FLACC1: variants seen among roughly 807,000 people sequenced by gnomAD.
The protein encoded by FLACC1 is flagellum-associated coiled-coil domain-containing protein 1.
A neutral mutation model predicts 62.8 loss-of-function variants in FLACC1; 66 were observed. That is an observed-to-expected ratio of 1.05 (90% CI 0.86 to 1.29). The LOEUF (loss-of-function observed/expected upper bound fraction) is 1.29. Ranked by LOEUF, FLACC1 falls within the 50% of genes most tolerant of loss-of-function variation. The pLI is 0.00. For missense variants in FLACC1, 452 were observed against 489.1 expected, an observed-to-expected ratio of 0.92 and a Z score of 0.71; for synonymous variants, 156 against 161.0, an observed-to-expected ratio of 0.97 and a Z score of 0.24.
rs527401525 is a variant in FLACC1, at chr2:201,346,773, G to A, written c.235-98C>T. The A allele has an allele frequency of 1.2e-4, 175 of 1,488,676 alleles. No homozygotes were observed. The highest frequency in any genetic ancestry group is 1.7e-4 in the Middle Eastern group (1 of 5,748). 92.2% of individuals were successfully genotyped at this position (1,488,676 alleles called of 1,614,324 possible). A position where few individuals can be genotyped will look rare whatever the true frequency, so the allele number is the denominator to read the frequency against. ...GCCTCACTCACATCTTAAAAACAGG[G>A]ACCTGGGACTCCACAGCCCAAGCCC... On this transcript the variant is annotated intron_variant, in intron 4 of 14. Transcript: ENST00000392257. This position sits in a 1 kb window ranked among gnomAD's most constrained non-coding sequence, Gnocchi z 4.0.
chr2:201,317,559 C>T (rs1335390785), intron 9 of FLACC1, among the ~76,000 whole-genome samples: 1 of 152,074 alleles, frequency 6.6e-6, no homozygotes, highest in Non-Finnish European at 1.5e-5. Context: ...ATGACACAAA[C>T]AAATGGAAAC....
chr2:201,315,990 A>C (rs1197439020), intron 9 of FLACC1, among the ~76,000 whole-genome samples: 1 of 152,142 alleles, frequency 6.6e-6, no homozygotes, highest in African/African-American at 2.4e-5. Context: ...AATTTAAAAA[A>C]ATTCTTCAAA....
chr2:201,333,659 G>GT (rs1481793628), intron 7 of FLACC1, among the ~76,000 whole-genome samples: 2 of 150,182 alleles, frequency 1.3e-5, no homozygotes, highest in Non-Finnish European at 2.9e-5. Context: ...GCAGTGTTTG[G>GT]TTTTTTGTCC....
chr2:201,357,825 G>C (rs907579202), upstream of FLACC1, among the ~76,000 whole-genome samples: 1 of 151,768 alleles, frequency 6.6e-6, no homozygotes, highest in Admixed American at 6.6e-5. Flanking sequence ...AAATAAAGCT[G>C]CTTTTTCTTA....
In FLACC1 at chr2:201,342,327, T is replaced by C. The variant is rs1268205228; in HGVS notation, c.524+43A>G. On this transcript the variant is annotated intron_variant, in intron 7 of 14. Transcript: ENST00000392257. ...AATCCTGCAAAGGATGCGGGACCCT[T>C]AGAGCCATCAACACACACAAGGGTC... is the stretch of plus-strand genomic sequence containing the variant. 2.5e-6 allele frequency: 4 copies of C among 1,606,180 alleles called. No homozygotes were observed. In the African/African-American group the frequency reaches 5.4e-5, roughly 21 times the overall value.
intron 7 of FLACC1, among the ~76,000 whole-genome samples, chr2:201,335,853 C>T (rs1482161340): frequency 3.9e-5 from 6 of 151,970 alleles, no homozygotes; most frequent in African/African-American, 7.2e-5. Flanking sequence ...TTTCTTTTAC[C>T]GATGCTCCAT....
intron 9 of FLACC1, among the ~76,000 whole-genome samples, chr2:201,318,336 C>T (rs1950340749): frequency 6.6e-6 from 1 of 152,178 alleles, no homozygotes; most frequent in Non-Finnish European, 1.5e-5. Context: ...AAAATCTTCA[C>T]AATCTATACA....
intron 6 of FLACC1, among the ~76,000 whole-genome samples, chr2:201,343,869 A>C (rs1257856406): frequency 6.6e-6 from 1 of 152,264 alleles, no homozygotes; most frequent in Non-Finnish European, 1.5e-5. Flanking sequence ...GGCCAGACAG[A>C]AAACAACAAG....
chr2:201,328,721 G>A (rs752803582), intron 9 of FLACC1, among the ~76,000 whole-genome samples: 3 of 152,118 alleles, frequency 2.0e-5, no homozygotes, highest in African/African-American at 7.2e-5. Context: ...CCACAGCACC[G>A]GCCTATGGTC....
At chr2:201,312,136 A>T (rs184926410) in intron 9 of FLACC1, among the ~76,000 whole-genome samples, 25 of 152,248 alleles carry the variant, frequency 1.6e-4, no homozygotes, top group African/African-American at 5.8e-4. Flanking sequence ...GAAGAAGTCA[A>T]ATTTTTCTGT....
intron 2 of FLACC1, 66 bp from the exon 3 acceptor site, chr2:201,350,848 C>A: frequency 1.4e-6 from 2 of 1,409,004 alleles, no homozygotes; most frequent in Non-Finnish European, 2.0e-6. Context: ...TTTAACACTC[C>A]CAGATTAAGT....
chr2:201,363,615 CT>C, the FLACC1 span, among the ~76,000 whole-genome samples: 1 of 151,936 alleles, frequency 6.6e-6, no homozygotes, highest in Non-Finnish European at 1.5e-5. Flanking sequence ...CCAAACCCTC[CT>C]ACGCAGAGGT....
intron 12 of FLACC1, 61 bp from the exon 13 acceptor site, chr2:201,289,846 C>G (rs1949691678): frequency 1.2e-6 from 2 of 1,612,800 alleles, no homozygotes; most frequent in African/African-American, 1.3e-5. Flanking sequence ...GGTCTCTTCT[C>G]CAGGGCACCT....
chr2:201,337,560 A>G (rs1307646672), intron 7 of FLACC1, among the ~76,000 whole-genome samples: 1 of 152,166 alleles, frequency 6.6e-6, no homozygotes, highest in African/African-American at 2.4e-5. Context: ...ATCTATATCA[A>G]GGAGTGCAGT....
Position 201,346,572 on chromosome 2 carries a change from G to T in FLACC1, c.338C>A (p.Ser113Ter), listed in dbSNP as rs369120998. 2.9e-5 allele frequency: 46 copies of T among 1,614,000 alleles called. No homozygotes were observed. The highest frequency in any genetic ancestry group is 3.7e-5 in the Non-Finnish European group (44 of 1,180,026). ...EMFDRKKRWE[S>*]EIPDKGRFSR... ...AAATCTGCCTTTGTCCGGGATCTCC[G>T]ATTCCCACCGCTTTTTCCTATCAAA... The change falls in exon 5 of 15, where the codon TCG becomes TAG. Residue 113 changes from serine (S) to a stop codon, truncating the protein, a stop_gained. Transcript: ENST00000392257. LOFTEE classifies it high-confidence loss of function. The surrounding 1 kb of genome is among the most constrained non-coding windows in gnomAD (Gnocchi z 4.0).
At chr2:201,349,372 C>T (rs910250003) in intron 3 of FLACC1, among the ~76,000 whole-genome samples, 2 of 152,202 alleles carry the variant, frequency 1.3e-5, no homozygotes, top group Non-Finnish European at 2.9e-5. Flanking sequence ...TTGCCCTGAC[C>T]TCTCTACGTA....
intron 12 of FLACC1, among the ~76,000 whole-genome samples, chr2:201,294,562 A>C (rs1382912579): frequency 2.6e-5 from 4 of 152,194 alleles, no homozygotes; most frequent in Admixed American, 2.6e-4. Flanking sequence ...CACAGCCAAT[A>C]TCATACTGAA....
chr2:201,318,499 C>A (rs1950343112), intron 9 of FLACC1, among the ~76,000 whole-genome samples: 1 of 151,968 alleles, frequency 6.6e-6, no homozygotes, highest in African/African-American at 2.4e-5. Context: ...AAAAAGTGCT[C>A]AACATCACTA....
At chr2:201,347,164 C>A (rs1054145778) in intron 4 of FLACC1, among the ~76,000 whole-genome samples, 3 of 152,202 alleles carry the variant, frequency 2.0e-5, no homozygotes, top group Non-Finnish European at 2.9e-5. Context: ...AGGACGGTTG[C>A]AAACAAAATG....
Sources: allele counts gnomAD v4.1 joint callset (sites outside exome capture counted in the v4.1 genomes callset), GRCh38; gene constraint gnomAD v4.1.1; non-coding constraint Gnocchi (gnomAD v3.1); transcripts MANE v1.5; gene names NCBI Gene and HGNC (gene_info 2026-07-23, HGNC 2026-07-21).